Variants in RBM28 observed in about 807,000 individuals in gnomAD.
RBM28 encodes the protein RNA binding motif protein 28.
A neutral mutation model predicts 98.3 loss-of-function variants in RBM28; 78 were observed. That is an observed-to-expected ratio of 0.79 (90% CI 0.66 to 0.96). The LOEUF is 0.96. RBM28 is among the 40% of genes least tolerant of loss of function. The pLI, the probability that RBM28 is intolerant of heterozygous loss-of-function variation, is 0.00. For synonymous variants in RBM28, 306 were observed against 330.9 expected, an observed-to-expected ratio of 0.92 and a Z score of 0.82; for missense variants, 838 against 913.0, an observed-to-expected ratio of 0.92 and a Z score of 1.06.
intron 14 of RBM28, among the ~76,000 whole-genome samples, chr7:128,320,238 AAG>A (rs1796196975): frequency 1.4e-5 from 2 of 139,922 alleles, no homozygotes; most frequent in African/African-American, 5.4e-5. Flanking sequence ...AAAAAAAAGA[AAG>A]AAAGAAAGAA....
intron 10 of RBM28, among the ~76,000 whole-genome samples, chr7:128,329,857 C>A (rs2116365152): frequency 7.3e-6 from 1 of 136,536 alleles, no homozygotes; most frequent in African/African-American, 2.8e-5. Flanking sequence ...CCACTGCACT[C>A]CAGCCTGGGC....
At chr7:128,315,323 A>C (rs1654359062) in intron 16 of RBM28, among the ~76,000 whole-genome samples, 1 of 152,228 alleles carries the variant, frequency 6.6e-6, no homozygotes, top group African/African-American at 2.4e-5. Context: ...ACCTATGTAG[A>C]AGGAGAATAC....
At chr7:128,312,066 T>A (rs1308117800) in intron 18 of RBM28, among the ~76,000 whole-genome samples, 1 of 149,970 alleles carries the variant, frequency 6.7e-6, no homozygotes. Context: ...CCAGGTAGTA[T>A]GTGCCTCAGG....
rs761030105 is a variant in RBM28 at position 128,310,946 on chromosome 7, A to G, written c.2146-15T>C. On this transcript the variant is annotated splice_polypyrimidine_tract_variant and intron_variant, in intron 18 of 18. Coordinates refer to ENST00000223073, the MANE Select transcript of RBM28 (RefSeq NM_018077.3). Reference sequence around the variant, plus strand: ...TTCCTAGATACCTACAAATGAAAGGATTAGAAACATAATATAATCAATTTC... The same window carrying G: ...TTCCTAGATACCTACAAATGAAAGGGTTAGAAACATAATATAATCAATTTC... The G allele has an allele frequency of 6.2e-7, 1 of 1,608,042 alleles. No individual in the cohort carries two copies. Among genetic ancestry groups the G allele is most frequent in the South Asian group, 1.1e-5 (1 of 90,950 alleles).
intron 13 of RBM28, among the ~76,000 whole-genome samples, chr7:128,323,126 G>A (rs1796272186): frequency 6.6e-6 from 1 of 152,128 alleles, no homozygotes; most frequent in Non-Finnish European, 1.5e-5. Flanking sequence ...CCCCTTTCAA[G>A]AGCCATATCT....
At chr7:128,324,516 A>G (rs765136909) in intron 12 of RBM28, 43 bp downstream of exon 12, 1 of 1,613,638 alleles carries the variant, frequency 6.2e-7, no homozygotes, top group Non-Finnish European at 8.5e-7. Flanking sequence ...ATTATGGCAC[A>G]GGGCCAGGTA....
chr7:128,343,012 C>T (rs1796761328), intron 1 of RBM28, among the ~76,000 whole-genome samples: 1 of 152,186 alleles, frequency 6.6e-6, no homozygotes, highest in African/African-American at 2.4e-5. Context: ...TAGCATTTGA[C>T]ATCATTTTCA....
rs750354788 is a variant in RBM28, at chr7:128,313,192, G to C, written c.2128C>G (p.Gln710Glu). The C allele has an allele frequency of 2.9e-5, 47 of 1,613,858 alleles. No individual in the cohort carries two copies. Among genetic ancestry groups the C allele is most frequent in the Non-Finnish European group, 3.8e-5 (45 of 1,179,920 alleles). ...QINQWKQEKQQLSSEQVSRKK... is the reference protein window; with the variant it reads ...QINQWKQEKQELSSEQVSRKK... ...GAACTCACCTGCTCGGACGATAATT[G>C]CTGCTTCTCCTGCTTCCACTGGTTT... Residue 710 changes from glutamine to glutamate, a missense_variant, in exon 18 of 19, where the codon CAA becomes GAA. Transcript: ENST00000223073.
At chr7:128,313,369 A>G in intron 17 of RBM28, 95 bp from the exon 18 acceptor site, 1 of 1,206,282 alleles carries the variant, frequency 8.3e-7, no homozygotes, top group Non-Finnish European at 1.2e-6. Context: ...AGCCCATGAT[A>G]AGTGAAGTCA....
Position 128,309,265 on chromosome 7 carries a change from G to A in RBM28, c.*1532C>T, listed in dbSNP as rs1215157692. On this transcript the variant is annotated 3_prime_UTR_variant, in exon 19 of 19. Transcript: ENST00000223073. ...ACAAAGCATACATTCTAACTGGAGA[G>A]ACAAACAATTTCAGATAGAGATTAG... is the stretch of plus-strand genomic sequence containing the variant. 5 of 152,220 alleles carry A rather than the reference G, an allele frequency of 3.3e-5. 1 individual carries two copies. The highest frequency in any genetic ancestry group is 3.3e-4 in the Admixed American group (5 of 15,270). The allele number at this position is 152,220 out of a possible 1,614,324, so 9.4% of individuals were successfully genotyped here.
At position 128,308,683 on chromosome 7, in the gene RBM28, T is replaced by C. The variant is rs779981275; in HGVS notation, c.*2114A>G. 3 of 152,214 alleles carry C rather than the reference T, an allele frequency of 2.0e-5. No individual in the cohort carries two copies. The highest frequency in any genetic ancestry group is 1.9e-4 in the East Asian group (1 of 5,202). 9.4% of individuals were successfully genotyped at this position (152,214 alleles called of 1,614,324 possible). A position where few individuals can be genotyped will look rare whatever the true frequency, so the allele number is the denominator to read the frequency against. On this transcript the variant is annotated 3_prime_UTR_variant, in exon 19 of 19. Transcript: ENST00000223073. Reference sequence around the variant, plus strand: ...GAGCATTCATGGGTTCCCCAAGATATTGCGATGAAATAACCATGTCTCAAC... The same window carrying C: ...GAGCATTCATGGGTTCCCCAAGATACTGCGATGAAATAACCATGTCTCAAC...
intron 5 of RBM28, among the ~76,000 whole-genome samples, chr7:128,337,671 C>A (rs1796631815): frequency 6.6e-6 from 1 of 151,816 alleles, no homozygotes; most frequent in African/African-American, 2.4e-5. Flanking sequence ...GATTCTCCTG[C>A]CTCAGCCTCT....
intron 14 of RBM28, among the ~76,000 whole-genome samples, chr7:128,319,647 G>C (rs1796178709): frequency 6.6e-6 from 1 of 152,214 alleles, no homozygotes; most frequent in Non-Finnish European, 1.5e-5. Flanking sequence ...TATTGACTAA[G>C]AGATGACTAT....
chr7:128,314,064 G>A (rs1014942541), intron 17 of RBM28, among the ~76,000 whole-genome samples: 3 of 151,970 alleles, frequency 2.0e-5, no homozygotes, highest in Admixed American at 1.3e-4. Context: ...CCGGGTTCAC[G>A]CCATTCTCCT....
chr7:128,317,952 C>T lies in RBM28; in HGVS notation c.1713+5G>A, dbSNP rs1446425091. On this transcript the variant is annotated splice_donor_5th_base_variant and intron_variant, in intron 15 of 18. Coordinates refer to ENST00000223073, the MANE Select transcript of RBM28 (RefSeq NM_018077.3). ...GAACAAGTCTCCCCAGAGGACAAGG[C>T]CTACCTTCAGAGGCCCAAAGATTTC... 2 of 1,614,042 alleles carry T rather than the reference C, an allele frequency of 1.2e-6. No homozygotes were observed. Among genetic ancestry groups the T allele is most frequent in the Non-Finnish European group, 1.7e-6 (2 of 1,180,032 alleles).
chr7:128,338,613 G>T lies in RBM28; in HGVS notation c.448+113C>A. 8.2e-6 allele frequency: 7 copies of T among 849,872 alleles called. No homozygotes were observed. The South Asian group carries it at 1.0e-4, about 12-fold the overall frequency. The allele number at this position is 849,872 out of a possible 1,614,324, so 52.6% of individuals were successfully genotyped here. On this transcript the variant is annotated intron_variant, in intron 4 of 18. Coordinates refer to ENST00000223073, the MANE Select transcript of RBM28 (RefSeq NM_018077.3). The stretch of plus-strand genomic sequence containing the variant: ...TCAGGGGAATAAAACCATTATTTGG[G>T]TTTTCATTAGATGTGAAGCACTGTG...
rs139429239 is a variant in RBM28 at position 128,323,375 on chromosome 7, A to G, written c.1404+152T>C. 3.8e-4 allele frequency: 320 copies of G among 852,154 alleles called. 1 individual carries two copies. In the African/African-American group the frequency reaches 4.5e-3, roughly 12 times the overall value. The allele number at this position is 852,154 out of a possible 1,614,324, so 52.8% of individuals were successfully genotyped here. A position where few individuals can be genotyped will look rare whatever the true frequency, so the allele number is the denominator to read the frequency against. ...TATGTATGATGTTGGGTTACTTGCTATTTCACCTATGTGCTTTTCTCCCTA... is the reference window on the plus strand; with the variant it reads ...TATGTATGATGTTGGGTTACTTGCTGTTTCACCTATGTGCTTTTCTCCCTA... On this transcript the variant is annotated intron_variant, in intron 13 of 18. Transcript: ENST00000223073.
chr7:128,334,584 A>G (rs968896561), intron 8 of RBM28, among the ~76,000 whole-genome samples: 1 of 152,262 alleles, frequency 6.6e-6, no homozygotes, highest in Non-Finnish European at 1.5e-5. Context: ...CAGACAAATC[A>G]AAGAACCAGT....
intron 10 of RBM28, among the ~76,000 whole-genome samples, 193 bp from the exon 11 acceptor site, chr7:128,326,084 C>A (rs1796344385): frequency 6.6e-6 from 1 of 152,152 alleles, no homozygotes; most frequent in African/African-American, 2.4e-5. Flanking sequence ...GCGGGCAGAT[C>A]ATGAGGTCAA....
Sources: gnomAD v4.1 joint callset for allele counts (sites outside exome capture counted in the v4.1 genomes callset) on GRCh38, gnomAD v4.1.1 for gene constraint, MANE v1.5 for transcripts, NCBI Gene and HGNC (gene_info 2026-07-23, HGNC 2026-07-21) for gene names.